The following NRG1 variants were observed in gnomAD, a reference collection of about 807,000 sequenced individuals.
NRG1 encodes neuregulin 1.
NRG1 carries 18 observed loss-of-function variants against 63.8 expected under a neutral mutation model. The observed-to-expected ratio is 0.28, with a 90% CI of 0.19 to 0.42. The LOEUF is 0.42. NRG1 is among the 10% of genes least tolerant of loss of function. NRG1 has a pLI of 1.00. For synonymous variants in NRG1, 302 were observed against 301.3 expected (o/e 1.00, Z -0.02); for missense variants, 762 against 814.7 (o/e 0.94, Z 0.79).
chr8:32,019,080 T>C (rs1816027744), intron 1 of NRG1, among the ~76,000 whole-genome samples: 1 of 152,226 alleles, frequency 6.6e-6, no homozygotes, highest in Non-Finnish European at 1.5e-5. Context: ...GGTTTGTTCA[T>C]CTTTCTTATT....
rs545059846 is a variant in NRG1 at position 32,614,749 on chromosome 8, C to T, written c.451+185C>T. Among the ~76,000 whole-genome samples, 6 of 152,162 alleles carry T rather than the reference C, an allele frequency of 3.9e-5. No homozygotes were observed. The East Asian group carries it at 1.2e-3, about 29-fold the overall frequency. ...TTTACTTAAGGGAGGATGGTTCTTG[C>T]TGTGTCTTCAAACTTAGGCCTGAGA... is the stretch of plus-strand genomic sequence containing the variant. On this transcript the variant is annotated intron_variant, in intron 4 of 11. Transcript: ENST00000356819.
At chr8:31,777,998 C>T (rs1819314830) in intron 1 of NRG1, among the ~76,000 whole-genome samples, 1 of 152,160 alleles carries the variant, frequency 6.6e-6, no homozygotes, top group African/African-American at 2.4e-5. Flanking sequence ...ACTCTATTAT[C>T]CCCATAAATG....
chr8:32,525,048 C>T (rs1204593689), intron 1 of NRG1, among the ~76,000 whole-genome samples: 1 of 152,220 alleles, frequency 6.6e-6, no homozygotes, highest in East Asian at 1.9e-4. Context: ...ACCGCTGAAA[C>T]CTTGAGCAAA....
intron 1 of NRG1, among the ~76,000 whole-genome samples, chr8:32,292,775 C>G (rs1854352029): frequency 6.6e-6 from 1 of 152,050 alleles, no homozygotes; most frequent in Middle Eastern, 3.2e-3. Flanking sequence ...TACACAGACA[C>G]TAACATTCAG....
At chr8:31,687,333 C>G (rs905048484) in intron 1 of NRG1, among the ~76,000 whole-genome samples, 3 of 152,152 alleles carry the variant, frequency 2.0e-5, no homozygotes, top group African/African-American at 4.8e-5. Context: ...AGCAAACAAA[C>G]AAACCCCAAA....
chr8:32,018,871 G>A (rs1375094324), intron 1 of NRG1, among the ~76,000 whole-genome samples: 2 of 152,194 alleles, frequency 1.3e-5, no homozygotes, highest in African/African-American at 2.4e-5. Context: ...ATGTATGAGA[G>A]TTCCAGGTGC....
At position 32,174,244 on chromosome 8, in the gene NRG1, G is replaced by C. The variant is rs538580325; in HGVS notation, c.38-421584G>C. On this transcript the variant is annotated intron_variant, in intron 1 of 10. Transcript: ENST00000519301. ...ACAACCTGCTCCTGAATGACTACTG[G>C]GTACATAACAAAATGAAATTAAGAT... Among the ~76,000 whole-genome samples, 10 of 152,064 alleles carry C rather than the reference G, an allele frequency of 6.6e-5. No individual in the cohort carries two copies. In the Middle Eastern group the frequency reaches 0.014, roughly 207 times the overall value.
intron 5 of NRG1, among the ~76,000 whole-genome samples, chr8:32,700,636 C>G (rs927361469): frequency 1.1e-4 from 17 of 152,092 alleles, no homozygotes; most frequent in African/African-American, 4.1e-4. Flanking sequence ...TGCACATCAG[C>G]TGAAAGAATA....
Position 31,749,005 on chromosome 8 carries a change from T to G in NRG1, c.37+109574T>G, listed in dbSNP as rs199916545. 5.9e-5 allele frequency among the ~76,000 whole-genome samples: 9 copies of G among 152,038 alleles called. No individual in the cohort carries two copies. The East Asian group carries it at 1.7e-3, about 30-fold the overall frequency. ...TTTTCAGTAATAAAAATTTGAAAAC[T>G]GCCTAAATGTACAACATTGGAAGAA... On this transcript the variant is annotated intron_variant, in intron 1 of 10. Coordinates refer to the NRG1 transcript ENST00000519301.
At chr8:32,038,884 C>T (rs1171724963) in intron 1 of NRG1, among the ~76,000 whole-genome samples, 1 of 152,068 alleles carries the variant, frequency 6.6e-6, no homozygotes, top group Non-Finnish European at 1.5e-5. Flanking sequence ...CCCTGGAAAC[C>T]TCTGTCCAAG....
intron 1 of NRG1, among the ~76,000 whole-genome samples, chr8:31,799,509 C>T (rs910462794): frequency 6.6e-6 from 1 of 152,010 alleles, no homozygotes; most frequent in Non-Finnish European, 1.5e-5. Context: ...ATAATATTCA[C>T]AGTATCCATG....
At chr8:31,790,704 A>G (rs1389561238) in intron 1 of NRG1, among the ~76,000 whole-genome samples, 7 of 152,164 alleles carry the variant, frequency 4.6e-5, no homozygotes, top group African/African-American at 1.7e-4. Context: ...TCCATTATTC[A>G]TCAATACTCC....
intron 1 of NRG1, among the ~76,000 whole-genome samples, chr8:32,415,057 C>T (rs901699139): frequency 2.1e-4 from 32 of 152,116 alleles, no homozygotes; most frequent in African/African-American, 6.8e-4. Flanking sequence ...TTGAACAAAA[C>T]TCCACTTTAT....
chr8:32,594,879 A>G (rs776130301), intron 1 of NRG1, among the ~76,000 whole-genome samples: 1 of 152,190 alleles, frequency 6.6e-6, no homozygotes, highest in African/African-American at 2.4e-5. Context: ...GTCCAGTCAA[A>G]GAGTGATAGC....
intron 1 of NRG1, among the ~76,000 whole-genome samples, chr8:32,297,521 C>T (rs967464100): frequency 6.6e-6 from 1 of 152,208 alleles, no homozygotes; most frequent in African/African-American, 2.4e-5. Flanking sequence ...TCTTAGATGG[C>T]TTGCCCTTTA....
chr8:31,955,727 ATT>A (rs576031933), intron 1 of NRG1, among the ~76,000 whole-genome samples: 1 of 151,872 alleles, frequency 6.6e-6, no homozygotes, highest in Non-Finnish European at 1.5e-5. Context: ...TCTGAGGGTG[ATT>A]TTTTTTAAAT....
intron 5 of NRG1, among the ~76,000 whole-genome samples, chr8:32,672,547 A>C (rs1805963231): frequency 6.6e-6 from 1 of 152,164 alleles, no homozygotes; most frequent in Admixed American, 6.5e-5. Flanking sequence ...AATAAATCCA[A>C]ATGTCCATGA....
At chr8:31,711,280 A>C (rs1811716782) in intron 1 of NRG1, among the ~76,000 whole-genome samples, 1 of 152,210 alleles carries the variant, frequency 6.6e-6, no homozygotes, top group South Asian at 2.1e-4. Flanking sequence ...TACTGTCGTC[A>C]AGAAAGATTA....
At chr8:32,652,497 C>T (rs1463159412) in intron 5 of NRG1, among the ~76,000 whole-genome samples, 1 of 152,056 alleles carries the variant, frequency 6.6e-6, no homozygotes, top group Non-Finnish European at 1.5e-5. Context: ...CCCTTTCCTT[C>T]CTACCTTCCC....
Sources: allele counts gnomAD v4.1 joint callset (sites outside exome capture counted in the v4.1 genomes callset), GRCh38; gene constraint gnomAD v4.1.1; transcripts MANE v1.5; gene names NCBI Gene and HGNC (gene_info 2026-07-23, HGNC 2026-07-21).